XDH: variants seen among roughly 807,000 people sequenced by gnomAD.
The protein encoded by XDH is xanthine dehydrogenase/oxidase.
In XDH, 138 loss-of-function variants were observed where a neutral mutation model predicts 156.1. The observed-to-expected ratio is 0.88, with a 90% confidence interval of 0.77 to 1.02. The LOEUF (loss-of-function observed/expected upper bound fraction) is 1.02. Ranked by LOEUF, XDH falls within the 50% of genes least tolerant of loss-of-function variation. The pLI, the probability that XDH is intolerant of heterozygous loss-of-function variation, is 0.00. For synonymous variants in XDH, 669 were observed against 625.7 expected (o/e 1.07, Z -1.03); for missense variants, 1,849 against 1,684.9 (o/e 1.10, Z -1.71).
rs949762439 is a variant in XDH at position 31,383,135 on chromosome 2, C to T, written c.904G>A (p.Ala302Thr). ...HGPDGISFGA[A>T]CPLSIVEKTL... Reference sequence around the variant, plus strand: ...TTTTCCACAATGCTCAGGGGGCAAGCAGCTCCAAAGGAGATACCTGGGAAC... The same window carrying T: ...TTTTCCACAATGCTCAGGGGGCAAGTAGCTCCAAAGGAGATACCTGGGAAC... The change falls in exon 11 of 36, where the codon GCT becomes ACT. Residue 302 changes from alanine to threonine, a missense_variant. Ala to Thr is a moderately conservative substitution (Grantham distance 58). Transcript: ENST00000379416. 1 of 1,614,188 alleles carries T rather than the reference C, an allele frequency of 6.2e-7. No homozygotes were observed.
chr2:31,405,816 C>T (rs1687176780), intron 2 of XDH, 91 bp downstream of exon 2: 2 of 1,491,986 alleles, frequency 1.3e-6, no homozygotes, highest in Admixed American at 1.7e-5. Context: ...CTCAAGGCCA[C>T]CCCACCAGTC....
intron 6 of XDH, among the ~76,000 whole-genome samples, chr2:31,395,949 G>A (rs1008438877): frequency 8.5e-5 from 13 of 152,152 alleles, no homozygotes; most frequent in Admixed American, 5.9e-4. Flanking sequence ...TCACCAGATA[G>A]CTGTGGTCAC....
At chr2:31,343,574 T>C (rs866984193) in intron 31 of XDH, among the ~76,000 whole-genome samples, 2 of 96,410 alleles carry the variant, frequency 2.1e-5, no homozygotes, top group Non-Finnish European at 4.4e-5. Flanking sequence ...ATATATATAT[T>C]CAGTGTAATA....
At chr2:31,342,357 T>C (rs918742959) in intron 31 of XDH, 60 bp from the exon 32 acceptor site, 25 of 1,417,838 alleles carry the variant, frequency 1.8e-5, no homozygotes, top group Non-Finnish European at 2.3e-5. Context: ...CCCTTCCCTA[T>C]GCACGTACAG....
chr2:31,400,364 G>A (rs1326279978), intron 4 of XDH, among the ~76,000 whole-genome samples: 2 of 150,728 alleles, frequency 1.3e-5, no homozygotes. Flanking sequence ...TCAGCCTCCT[G>A]AGTATCTGGG....
chr2:31,399,624 C>T (rs1687002530), intron 4 of XDH, among the ~76,000 whole-genome samples: 1 of 152,212 alleles, frequency 6.6e-6, no homozygotes, highest in South Asian at 2.1e-4. Flanking sequence ...TTGTAGCCCC[C>T]ATAATTCCCA....
At chr2:31,395,515 A>ATCC in intron 6 of XDH, among the ~76,000 whole-genome samples, 1 of 152,242 alleles carries the variant, frequency 6.6e-6, no homozygotes, top group African/African-American at 2.4e-5. Flanking sequence ...TCCCTACCAG[A>ATCC]AACACAAGGA....
intron 28 of XDH, 35 bp from the exon 29 acceptor site, chr2:31,347,685 G>A (rs1424010123): frequency 6.2e-7 from 1 of 1,603,122 alleles, no homozygotes; most frequent in Non-Finnish European, 8.5e-7. Flanking sequence ...TCTAGGGAAG[G>A]GGTTATCATG....
At chr2:31,342,058 C>T in intron 32 of XDH, 125 bp downstream of exon 32, 1 of 867,488 alleles carries the variant, frequency 1.2e-6, no homozygotes, top group Non-Finnish European at 1.9e-6. Context: ...AGGATGTTTG[C>T]CTATCCTTAA....
At chr2:31,376,950 G>T in intron 14 of XDH, 103 bp downstream of exon 14, 2 of 1,431,932 alleles carry the variant, frequency 1.4e-6, no homozygotes, top group South Asian at 1.2e-5. Context: ...AGTAGTAGCA[G>T]CAATAGTAAT....
At chr2:31,347,273 T>TC (rs1167082320) in intron 29 of XDH, among the ~76,000 whole-genome samples, 1 of 152,194 alleles carries the variant, frequency 6.6e-6, no homozygotes, top group Non-Finnish European at 1.5e-5. Flanking sequence ...GCCTCTGCTT[T>TC]CCCTCGGTAT....
At chr2:31,356,860 T>C (rs1457430830) in intron 24 of XDH, among the ~76,000 whole-genome samples, 2 of 152,106 alleles carry the variant, frequency 1.3e-5, no homozygotes, top group African/African-American at 4.8e-5. Context: ...CTTCAAAGAA[T>C]TGAAATCCTA....
Position 31,365,990 on chromosome 2 carries a change from G to A in XDH, c.2442C>T (p.Ala814=). ...TRSTVVSTAV[A]LAAYKTGRPV... is the part of the protein sequence containing the mutation. ...TTGGAACTCACTTATATGCAGCCAG[G>A]GCCACTGCCGTGGACACCACAGTGC... The change falls in exon 22 of 36, where the codon GCC becomes GCT. Residue 814 remains alanine (A), a synonymous_variant. Coordinates refer to ENST00000379416, the MANE Select transcript of XDH (RefSeq NM_000379.4). 1 of 1,614,138 alleles carries A rather than the reference G, an allele frequency of 6.2e-7. No homozygotes were observed. The highest frequency in any genetic ancestry group is 8.5e-7 in the Non-Finnish European group (1 of 1,180,020).
At chr2:31,379,714 G>C (rs1461646296) in intron 13 of XDH, among the ~76,000 whole-genome samples, 153 bp downstream of exon 13, 1 of 152,258 alleles carries the variant, frequency 6.6e-6, no homozygotes, top group African/African-American at 2.4e-5. Context: ...AGTATGGTTG[G>C]TTCAACAGAG....
chr2:31,371,896 G>A (rs1686082669), intron 17 of XDH, among the ~76,000 whole-genome samples: 1 of 152,224 alleles, frequency 6.6e-6, no homozygotes. Flanking sequence ...CCACCAGGAA[G>A]TGAAGTTCAC....
At chr2:31,376,048 A>C (rs1037268389) in intron 14 of XDH, among the ~76,000 whole-genome samples, 1 of 152,174 alleles carries the variant, frequency 6.6e-6, no homozygotes, top group African/African-American at 2.4e-5. Context: ...TCCTAGGATA[A>C]TGTTAGTGAA....
Position 31,368,591 on chromosome 2 carries a change from G to A in XDH, c.2050C>T (p.Gln684Ter). The A allele has an allele frequency of 6.2e-7, 1 of 1,614,170 alleles. No individual in the cohort carries two copies. The highest frequency in any genetic ancestry group is 1.3e-5 in the African/African-American group (1 of 75,054). The change falls in exon 19 of 36, where the codon CAA (glutamine) becomes TAA (stop). Residue 684 changes from glutamine (Q) to a stop codon, truncating the protein, a stop_gained. Coordinates refer to ENST00000379416, the MANE Select transcript of XDH (RefSeq NM_000379.4). LOFTEE classifies it high-confidence loss of function. ...TCTTCATAGGTGATTTTCACCCCTT[G>A]GGCAGCTCTCTGTGTGTGTTCCGGG... ...DTPEHTQRAAQGVKITYEELP... is the reference protein window; with the variant it reads ...DTPEHTQRAA
Position 31,372,260 on chromosome 2 carries a change from C to T in XDH, c.1824G>A (p.Leu608=). The part of the protein sequence containing the change: ...PRYENELSLR[L]VTSTRAHAKI... ...TGGCGTGGGCCCGGGTGCTGGTGAC[C>T]AGCCGGAGAGACAGCTCATTCTCGT... The change falls in exon 17 of 36, where the codon CTG becomes CTA. Residue 608 remains leucine (L), a synonymous_variant. Transcript: ENST00000379416. 1 of 1,614,246 alleles carries T rather than the reference C, an allele frequency of 6.2e-7. No individual in the cohort carries two copies. The highest frequency in any genetic ancestry group is 8.5e-7 in the Non-Finnish European group (1 of 1,180,036).
intron 19 of XDH, 61 bp from the exon 20 acceptor site, chr2:31,368,118 T>C: frequency 6.8e-7 from 1 of 1,469,264 alleles, no homozygotes; most frequent in Non-Finnish European, 9.5e-7. Context: ...AGATAGGTTC[T>C]GATTAGGGAA....
Sources: gnomAD v4.1 joint callset for allele counts (sites outside exome capture counted in the v4.1 genomes callset) on GRCh38, gnomAD v4.1.1 for gene constraint, MANE v1.5 for transcripts, NCBI Gene and HGNC (gene_info 2026-07-23, HGNC 2026-07-21) for gene names.